UNC13C: variants seen among roughly 807,000 people sequenced by gnomAD.
The protein encoded by UNC13C is protein unc-13 homolog C.
UNC13C carries 174 observed loss-of-function variants against 245.4 expected under a neutral mutation model. The ratio of observed to expected loss-of-function variants is 0.71; its 90% CI spans 0.63 to 0.80. The LOEUF (loss-of-function observed/expected upper bound fraction) is 0.80, where lower values mean the gene tolerates loss of function less well. UNC13C is among the 30% of genes least tolerant of loss of function. UNC13C has a pLI of 0.00. For synonymous variants in UNC13C, 992 were observed against 895.1 expected, an observed-to-expected ratio of 1.11 and a Z score of -1.93; for missense variants, 2,829 against 2,602.9, an observed-to-expected ratio of 1.09 and a Z score of -1.89.
chr15:54,476,455 G>A (rs1191828337), intron 19 of UNC13C, among the ~76,000 whole-genome samples: 9 of 146,744 alleles, frequency 6.1e-5, no homozygotes, highest in African/African-American at 2.3e-4. Context: ...TAACGTTTAA[G>A]TCTTTAATCT....
At chr15:54,136,438 T>A (rs2031737036) in intron 2 of UNC13C, among the ~76,000 whole-genome samples, 2 of 152,186 alleles carry the variant, frequency 1.3e-5, no homozygotes, top group Admixed American at 6.5e-5. Flanking sequence ...CAGTTTTAAG[T>A]TTTTTGGTGG....
chr15:54,185,870 A>G (rs909111623), intron 4 of UNC13C, among the ~76,000 whole-genome samples: 2 of 150,974 alleles, frequency 1.3e-5, no homozygotes, highest in African/African-American at 4.9e-5. Context: ...CAGTATGGCC[A>G]TTTTCACGAT....
At chr15:53,896,811 T>G in the UNC13C span, among the ~76,000 whole-genome samples, 1 of 152,148 alleles carries the variant, frequency 6.6e-6, no homozygotes, top group Non-Finnish European at 1.5e-5. Context: ...TGGCATCATC[T>G]TCCATTAGCA....
At chr15:54,256,700 AATAAAG>A (rs1402660202) in intron 8 of UNC13C, among the ~76,000 whole-genome samples, 5 of 152,188 alleles carry the variant, frequency 3.3e-5, no homozygotes, top group South Asian at 4.1e-4. Flanking sequence ...AACACTATAC[AATAAAG>A]ATAGAGTTTG....
At chr15:53,957,413 G>A in the UNC13C span, among the ~76,000 whole-genome samples, 1 of 152,162 alleles carries the variant, frequency 6.6e-6, no homozygotes, top group East Asian at 1.9e-4. Context: ...GATTATAGGC[G>A]TGAGCCACCA....
intron 4 of UNC13C, among the ~76,000 whole-genome samples, chr15:54,203,786 A>AC (rs1567094864): frequency 4.7e-5 from 5 of 105,824 alleles, no homozygotes; most frequent in East Asian, 3.1e-4. Context: ...ACACACATAT[A>AC]GATATACACA....
chr15:54,080,795 G>T (rs1898901041), intron 2 of UNC13C, among the ~76,000 whole-genome samples: 1 of 151,834 alleles, frequency 6.6e-6, no homozygotes, highest in Non-Finnish European at 1.5e-5. Flanking sequence ...TCCTTTGTTT[G>T]TTTTTTGGGG....
rs577205554 is a variant in UNC13C, at chr15:54,265,258, C to G, written c.3677-97C>G. 1.4e-5 allele frequency: 15 copies of G among 1,064,158 alleles called. No individual in the cohort carries two copies. In the South Asian group the frequency reaches 5.1e-4, roughly 36 times the overall value. 65.9% of individuals were successfully genotyped at this position (1,064,158 alleles called of 1,614,324 possible). On this transcript the variant is annotated intron_variant, in intron 9 of 32. Transcript: ENST00000260323. ...AAAGCAATGGGGATGCATCTATAAG[C>G]CCAAAGAACCAAATGACAGAAAAAT... is the stretch of plus-strand genomic sequence containing the variant.
At chr15:54,113,446 G>A (rs10152847) in intron 2 of UNC13C, among the ~76,000 whole-genome samples, 4 of 152,074 alleles carry the variant, frequency 2.6e-5, no homozygotes, top group Non-Finnish European at 5.9e-5. Context: ...GATATCTGCA[G>A]CTGTAGTAGG....
intron 19 of UNC13C, 47 bp from the exon 20 acceptor site, chr15:54,494,561 T>G (rs1222583476): frequency 2.0e-6 from 3 of 1,491,216 alleles, no homozygotes; most frequent in African/African-American, 1.4e-5. Context: ...ATAGCAGCAT[T>G]GTTGGCAAAC....
chr15:54,027,444 C>T (rs184190645), intron 2 of UNC13C, among the ~76,000 whole-genome samples: 1 of 152,330 alleles, frequency 6.6e-6, no homozygotes, highest in Non-Finnish European at 1.5e-5. Context: ...TCTCGGCTCA[C>T]TGCAACCTCC....
At chr15:54,452,259 G>A (rs971523379) in intron 19 of UNC13C, among the ~76,000 whole-genome samples, 2 of 152,314 alleles carry the variant, frequency 1.3e-5, no homozygotes, top group South Asian at 4.1e-4. Flanking sequence ...CACTTGGTTT[G>A]CTCAGATGCC....
chr15:54,465,118 C>G (rs1228907498), intron 19 of UNC13C, among the ~76,000 whole-genome samples: 2 of 151,706 alleles, frequency 1.3e-5, no homozygotes, highest in Non-Finnish European at 2.9e-5. Context: ...TTGTGAGGTA[C>G]CACAGCTTGA....
intron 2 of UNC13C, among the ~76,000 whole-genome samples, chr15:54,129,193 A>T (rs1386130493): frequency 6.6e-6 from 1 of 152,178 alleles, no homozygotes; most frequent in African/African-American, 2.4e-5. Context: ...CCACTAATGA[A>T]TTTTACATTG....
intron 17 of UNC13C, among the ~76,000 whole-genome samples, chr15:54,343,400 T>A (rs576997812): frequency 1.3e-5 from 2 of 152,158 alleles, no homozygotes; most frequent in South Asian, 4.2e-4. Context: ...CCCAAAGTGC[T>A]GCGATTACAG....
intron 19 of UNC13C, among the ~76,000 whole-genome samples, chr15:54,453,686 C>G (rs1026674793): frequency 6.6e-6 from 1 of 152,124 alleles, no homozygotes; most frequent in Non-Finnish European, 1.5e-5. Context: ...AATATATTGA[C>G]AAATTTTTTT....
At chr15:54,466,076 ATAAAC>A (rs1892148061) in intron 19 of UNC13C, among the ~76,000 whole-genome samples, 1 of 152,028 alleles carries the variant, frequency 6.6e-6, no homozygotes, top group Non-Finnish European at 1.5e-5. Flanking sequence ...ATTTAATGAA[ATAAAC>A]TAAGCACAGA....
At chr15:54,336,373 A>G (rs1265495429) in intron 16 of UNC13C, among the ~76,000 whole-genome samples, 1 of 140,042 alleles carries the variant, frequency 7.1e-6, no homozygotes, top group Non-Finnish European at 1.6e-5. Flanking sequence ...TATGTTTTGA[A>G]TACAATTTTT....
intron 10 of UNC13C, among the ~76,000 whole-genome samples, 196 bp downstream of exon 10, chr15:54,265,692 A>T (rs978484806): frequency 7.9e-5 from 12 of 152,046 alleles, no homozygotes; most frequent in Non-Finnish European, 1.5e-4. Context: ...CTTTGGAAGC[A>T]AGTGAATAAG....
Sources: allele counts gnomAD v4.1 joint callset (sites outside exome capture counted in the v4.1 genomes callset), GRCh38; gene constraint gnomAD v4.1.1; transcripts MANE v1.5; gene names NCBI Gene and HGNC (gene_info 2026-07-23, HGNC 2026-07-21).